Variants in MYO10 observed in about 807,000 individuals in gnomAD.
The protein encoded by MYO10 is unconventional myosin-X.
MYO10 carries 133 observed loss-of-function variants against 257.3 expected under a neutral mutation model. The ratio of observed to expected loss-of-function variants is 0.52; its 90% CI spans 0.45 to 0.60. MYO10 has a LOEUF of 0.60. Ranked by LOEUF, MYO10 falls within the 20% of genes least tolerant of loss-of-function variation. The pLI is 0.00. For synonymous variants in MYO10, 1,104 were observed against 1,028.6 expected (o/e 1.07, Z -1.40); for missense variants, 2,399 against 2,635.7 (o/e 0.91, Z 1.97).
At chr5:16,886,949 AC>A (rs1339779532) in intron 1 of MYO10, among the ~76,000 whole-genome samples, 33 of 137,022 alleles carry the variant, frequency 2.4e-4, no homozygotes, top group Admixed American at 7.5e-4. Context: ...AAAAAAAAAA[AC>A]AAAGCAAAAA....
chr5:16,884,700 C>G (rs1486926553), intron 1 of MYO10, among the ~76,000 whole-genome samples: 2 of 142,752 alleles, frequency 1.4e-5, no homozygotes, highest in African/African-American at 4.9e-5. Context: ...GTTATCTTTC[C>G]AACTTACCAG....
At chr5:16,825,291 G>A (rs138783375) in intron 2 of MYO10, among the ~76,000 whole-genome samples, 11 of 152,208 alleles carry the variant, frequency 7.2e-5, no homozygotes, top group Admixed American at 2.0e-4. Flanking sequence ...ATTCTATCAC[G>A]TGTGTGTCCT....
intron 5 of MYO10, among the ~76,000 whole-genome samples, chr5:16,782,756 G>T (rs1163648825): frequency 1.3e-5 from 2 of 152,176 alleles, no homozygotes; most frequent in African/African-American, 2.4e-5. Context: ...ATCAGGCAAT[G>T]ACATAGTTTA....
At chr5:16,789,771 G>A (rs1051647372) in intron 4 of MYO10, among the ~76,000 whole-genome samples, 14 of 152,144 alleles carry the variant, frequency 9.2e-5, no homozygotes, top group African/African-American at 3.4e-4. Context: ...AACAGAGCAA[G>A]ACTCTATCTC....
chr5:16,856,090 T>C (rs7736840), intron 2 of MYO10, among the ~76,000 whole-genome samples: 45,262 of 152,088 alleles, frequency 0.3, 6,873 homozygotes, highest in South Asian at 0.34. Context: ...TTCTGTGAGA[T>C]TGCACACGCC....
At chr5:16,805,200 C>T (rs1289081461) in intron 3 of MYO10, among the ~76,000 whole-genome samples, 4 of 151,898 alleles carry the variant, frequency 2.6e-5, no homozygotes, top group Admixed American at 1.3e-4. Context: ...CAGTGGCTCA[C>T]ACCTGTAATC....
At chr5:16,668,176 T>G in intron 40 of MYO10, 101 bp downstream of exon 40, 1 of 1,293,204 alleles carries the variant, frequency 7.7e-7, no homozygotes, top group East Asian at 2.4e-5. Context: ...AAGAAAAATA[T>G]TCAAAGAAAA....
At chr5:16,848,164 T>TTTTTTTTCTTTTTTTTTTC (rs1743695815) in intron 2 of MYO10, among the ~76,000 whole-genome samples, 1 of 148,384 alleles carries the variant, frequency 6.7e-6, no homozygotes, top group African/African-American at 2.5e-5. Flanking sequence ...TCTTTTTTTT[T>TTTTTTTTCTTTTTTTTTTC]TTTTTTTTTG....
At chr5:16,922,771 C>G (rs1424104804) in intron 1 of MYO10, among the ~76,000 whole-genome samples, 1 of 152,184 alleles carries the variant, frequency 6.6e-6, no homozygotes, top group Non-Finnish European at 1.5e-5. Context: ...TGGCTTACAC[C>G]TGTAATTCCA....
At chr5:16,840,431 ATG>A (rs1491038616) in intron 2 of MYO10, among the ~76,000 whole-genome samples, 44 of 112,666 alleles carry the variant, frequency 3.9e-4, no homozygotes, top group Non-Finnish European at 6.2e-4. Flanking sequence ...GAATGAATGA[ATG>A]AATGAATGAA....
At chr5:16,736,682 C>CA in intron 19 of MYO10, among the ~76,000 whole-genome samples, 2 of 152,284 alleles carry the variant, frequency 1.3e-5, no homozygotes, top group Non-Finnish European at 2.9e-5. Flanking sequence ...AAAGCAATGC[C>CA]ATGCAGTCAG....
intron 19 of MYO10, among the ~76,000 whole-genome samples, chr5:16,715,795 C>T (rs1738843298): frequency 6.6e-6 from 1 of 152,066 alleles, no homozygotes; most frequent in African/African-American, 2.4e-5. Flanking sequence ...GTGGCTCACG[C>T]CTGTAATCCC....
At chr5:16,821,623 C>T (rs572261992) in intron 2 of MYO10, among the ~76,000 whole-genome samples, 2 of 151,240 alleles carry the variant, frequency 1.3e-5, no homozygotes, top group Non-Finnish European at 1.5e-5. Flanking sequence ...CCCACCACCA[C>T]GCCCAGCTAA....
At chr5:16,743,900 C>T (rs1327561374) in intron 19 of MYO10, among the ~76,000 whole-genome samples, 1 of 151,986 alleles carries the variant, frequency 6.6e-6, no homozygotes, top group Non-Finnish European at 1.5e-5. Flanking sequence ...ACAAATGTAC[C>T]ACATTAGTAC....
At chr5:16,934,402 C>T (rs1746377538) in intron 1 of MYO10, among the ~76,000 whole-genome samples, 1 of 152,240 alleles carries the variant, frequency 6.6e-6, no homozygotes, top group African/African-American at 2.4e-5. Context: ...GCCCTAGGGG[C>T]AGGGCCTCCG....
chr5:16,766,732 T>TG (rs1174452371), intron 10 of MYO10, among the ~76,000 whole-genome samples: 1 of 151,078 alleles, frequency 6.6e-6, no homozygotes, highest in Non-Finnish European at 1.5e-5. Flanking sequence ...CCCAAAGTGC[T>TG]GGGATTACAG....
intron 19 of MYO10, among the ~76,000 whole-genome samples, chr5:16,735,414 C>T (rs987414736): frequency 6.6e-6 from 1 of 152,080 alleles, no homozygotes. Context: ...TTTAAAAATG[C>T]TACCATGAGG....
Position 16,710,999 on chromosome 5 carries a change from A to C in MYO10, c.2078T>G (p.Leu693Arg), listed in dbSNP as rs751051690. 38 of 1,613,898 alleles carry C rather than the reference A, an allele frequency of 2.4e-5. No homozygotes were observed. Among genetic ancestry groups the C allele is most frequent in the Non-Finnish European group, 3.0e-5 (35 of 1,179,896 alleles). Residue 693 changes from leucine (L) to arginine (R), a missense_variant, in exon 21 of 41, where the codon CTG becomes CGG. Leu to Arg is a moderately radical substitution (Grantham distance 102). This residue lies in a region of MYO10 where 1,820 missense variants were observed against 1,939.4 expected (regional missense o/e 0.94). Coordinates refer to ENST00000513610, the MANE Select transcript of MYO10 (RefSeq NM_012334.3). ...CCCTCGGACGTCCTCAGGCAGAGCC[A>C]GATTCCTCATCAGCACTTTATACCT... ...YKRYKVLMRN[L>R]ALPEDVRGKC...
At position 16,736,170 on chromosome 5, in the gene MYO10, C is replaced by G. The variant is rs543330806; in HGVS notation, c.1929+18658G>C. Among the ~76,000 whole-genome samples the G allele has an allele frequency of 5.2e-4, 79 of 152,248 alleles. 1 individual carries two copies. The South Asian group carries it at 0.014, about 27-fold the overall frequency. ...TCTCTATCATCTAACTACTTTGTAG[C>G]GACAGGCTGGAACAAGAAGAATGGA... On this transcript the variant is annotated intron_variant, in intron 19 of 40. Transcript: ENST00000513610.
Sources: gnomAD v4.1 joint callset for allele counts (sites outside exome capture counted in the v4.1 genomes callset) on GRCh38, gnomAD v4.1.1 for gene constraint, gnomAD v4.1.1 regional missense constraint, MANE v1.5 for transcripts, NCBI Gene and HGNC (gene_info 2026-07-23, HGNC 2026-07-21) for gene names.